USP7: variants seen among roughly 807,000 people sequenced by gnomAD.
USP7 encodes ubiquitin C-terminal hydrolase 7.
Under a neutral mutation model 162.9 loss-of-function variants are expected in USP7, and 9 were observed. That is an observed-to-expected ratio of 0.06 (90% confidence interval 0.03 to 0.10). The LOEUF is 0.10. Among genes scored for constraint, USP7 ranks in the 10% least tolerant of loss-of-function variants. The probability of loss-of-function intolerance (pLI) is 1.00; values close to 1 mark genes in which losing one functional copy is unlikely to be tolerated. For synonymous variants in USP7, 562 were observed against 475.9 expected (o/e 1.18, Z -2.35); for missense variants, 715 against 1,373.7 (o/e 0.52, Z 7.58).
rs762298878 is a variant in USP7 at position 8,923,444 on chromosome 16, G to A, written c.185-31C>T. The A allele has an allele frequency of 9.3e-6, 15 of 1,610,110 alleles. No homozygotes were observed. The Admixed American group carries it at 2.3e-4, about 25-fold the overall frequency. On this transcript the variant is annotated intron_variant, in intron 2 of 30. Transcript: ENST00000344836. ...AAAAAAACACATCATCAGTCACAGA[G>A]CCTGTGCATTGACCAAAAGCACTAG...
chr16:8,934,101 T>A (rs189231608), intron 1 of USP7, among the ~76,000 whole-genome samples: 3 of 152,348 alleles, frequency 2.0e-5, no homozygotes, highest in African/African-American at 7.2e-5. Flanking sequence ...CCCAGTACTT[T>A]TAACTTCCTT....
intron 1 of USP7, among the ~76,000 whole-genome samples, chr16:8,959,291 C>A (rs2141269197): frequency 6.6e-6 from 1 of 151,972 alleles, no homozygotes; most frequent in East Asian, 1.9e-4. Flanking sequence ...GCCTTAGTCA[C>A]CACAGTCTGT....
chr16:8,909,308 A>T (rs2061907046), intron 11 of USP7, among the ~76,000 whole-genome samples: 1 of 152,198 alleles, frequency 6.6e-6, no homozygotes, highest in Non-Finnish European at 1.5e-5. Flanking sequence ...CCACCTGCCC[A>T]GCAGCCAGCG....
chr16:8,919,452 T>C (rs1897559320), intron 5 of USP7, among the ~76,000 whole-genome samples: 3 of 152,042 alleles, frequency 2.0e-5, no homozygotes, highest in Non-Finnish European at 4.4e-5. Flanking sequence ...TGCCTCATGG[T>C]AGAGTTTGGT....
intron 1 of USP7, among the ~76,000 whole-genome samples, chr16:8,950,052 G>A (rs546803638): frequency 2.6e-5 from 4 of 152,284 alleles, no homozygotes; most frequent in South Asian, 4.1e-4. Context: ...CTTGAAACAT[G>A]GCTGTTGTGA....
chr16:8,941,671 A>G (rs1342033075), intron 1 of USP7, among the ~76,000 whole-genome samples: 1 of 152,188 alleles, frequency 6.6e-6, no homozygotes, highest in African/African-American at 2.4e-5. Flanking sequence ...GACAAAGACC[A>G]GGCCGTGTTG....
At position 8,963,366 on chromosome 16, in the gene USP7, G is replaced by C; in HGVS notation, c.-81C>G. On this transcript the variant is annotated 5_prime_UTR_variant, in exon 1 of 31. Coordinates refer to ENST00000344836, the MANE Select transcript of USP7 (RefSeq NM_003470.3). ...GGGCGGGCGGCGGCGAGCCGGGGCGGCGGCGGCGGCGGCGGCGGCGGGGCG... is the reference window on the plus strand; with the variant it reads ...GGGCGGGCGGCGGCGAGCCGGGGCGCCGGCGGCGGCGGCGGCGGCGGGGCG... 1 of 276,460 alleles carries C rather than the reference G, an allele frequency of 3.6e-6. No homozygotes were observed. The highest frequency in any genetic ancestry group is 5.4e-6 in the Non-Finnish European group (1 of 185,600). 17.1% of individuals were successfully genotyped at this position (276,460 alleles called of 1,614,324 possible).
chr16:8,907,881 T>G (rs1468107889), intron 12 of USP7, among the ~76,000 whole-genome samples: 1 of 152,182 alleles, frequency 6.6e-6, no homozygotes, highest in Non-Finnish European at 1.5e-5. Context: ...AAACAACTAC[T>G]TTAGCATTCT....
chr16:8,930,312 C>T lies in USP7; in HGVS notation c.165G>A (p.Ala55=), dbSNP rs188450052. Residue 55 remains alanine (A), a synonymous_variant, in exon 2 of 31, where the codon GCG becomes GCA. Transcript: ENST00000344836. ...NVALSDGHNT[A]EEDMEDDTSW... ...ACTTACCATCCTCCATGTCCTCCTCCGCGGTGTTGTGTCCATCACTCAGGG... is the reference window on the plus strand; with the variant it reads ...ACTTACCATCCTCCATGTCCTCCTCTGCGGTGTTGTGTCCATCACTCAGGG... 3.3e-5 allele frequency: 53 copies of T among 1,612,888 alleles called. No homozygotes were observed. Among genetic ancestry groups the T allele is most frequent in the East Asian group, 2.7e-4 (12 of 44,832 alleles).
intron 7 of USP7, among the ~76,000 whole-genome samples, chr16:8,916,785 A>G (rs1367642347): frequency 6.6e-6 from 1 of 152,216 alleles, no homozygotes; most frequent in Non-Finnish European, 1.5e-5. Context: ...TCTTGTGTTG[A>G]AAAGTAAAAA....
intron 6 of USP7, among the ~76,000 whole-genome samples, chr16:8,917,357 T>C (rs187203270): frequency 7.6e-4 from 116 of 152,210 alleles, no homozygotes; most frequent in Non-Finnish European, 1.2e-4. Context: ...CTGGAAAACA[T>C]AAGAATGCAA....
At chr16:8,935,196 C>T (rs1045198067) in intron 1 of USP7, among the ~76,000 whole-genome samples, 1 of 147,558 alleles carries the variant, frequency 6.8e-6, no homozygotes, top group Non-Finnish European at 1.5e-5. Context: ...TGAGCTAAGG[C>T]ACTAATTTTT....
intron 2 of USP7, among the ~76,000 whole-genome samples, chr16:8,923,964 G>A (rs1406471279): frequency 6.6e-6 from 1 of 152,100 alleles, no homozygotes; most frequent in Admixed American, 6.5e-5. Flanking sequence ...ATTGGTTCAC[G>A]ATTTTTGCAA....
intron 3 of USP7, among the ~76,000 whole-genome samples, chr16:8,922,397 A>G (rs1488619302): frequency 6.6e-6 from 1 of 152,224 alleles, no homozygotes; most frequent in Non-Finnish European, 1.5e-5. Context: ...CCGAGGCAGG[A>G]GAATCGCTTG....
At chr16:8,923,130 G>C (rs1365761887) in intron 3 of USP7, 85 bp downstream of exon 3, 3 of 815,764 alleles carry the variant, frequency 3.7e-6, no homozygotes, top group Non-Finnish European at 3.6e-6. Flanking sequence ...AAAATCAAAA[G>C]GCTATGTAGA....
intron 23 of USP7, 195 bp from the exon 24 acceptor site, chr16:8,898,834 A>G: frequency 3.2e-6 from 2 of 615,528 alleles, no homozygotes; most frequent in South Asian, 2.1e-5. Context: ...GCTCTCTGCA[A>G]TAGTGACAAA....
At chr16:8,940,667 C>A (rs1899000547) in intron 1 of USP7, among the ~76,000 whole-genome samples, 1 of 152,170 alleles carries the variant, frequency 6.6e-6, no homozygotes, top group Non-Finnish European at 1.5e-5. Context: ...CTAAGAAGCT[C>A]CTGACCGCCA....
intron 1 of USP7, among the ~76,000 whole-genome samples, chr16:8,948,408 C>T (rs1899387283): frequency 6.6e-6 from 1 of 152,116 alleles, no homozygotes; most frequent in African/African-American, 2.4e-5. Flanking sequence ...TGATCTCAAA[C>T]CCCTGGGCTC....
chr16:8,927,090 G>T (rs576577170), intron 2 of USP7, among the ~76,000 whole-genome samples: 46 of 152,290 alleles, frequency 3.0e-4, no homozygotes, highest in African/African-American at 1.1e-3. Context: ...CGGGGTGGGC[G>T]AGGCGAATCA....
Sources: gnomAD v4.1 joint callset for allele counts (sites outside exome capture counted in the v4.1 genomes callset) on GRCh38, gnomAD v4.1.1 for gene constraint, MANE v1.5 for transcripts, NCBI Gene and HGNC (gene_info 2026-07-23, HGNC 2026-07-21) for gene names.